SLCO1B1: variants seen among roughly 807,000 people sequenced by gnomAD.
SLCO1B1 encodes solute carrier organic anion transporter family member 1B1.
A neutral mutation model predicts 70.1 loss-of-function variants in SLCO1B1; 81 were observed. The ratio of observed to expected loss-of-function variants is 1.16; its 90% CI spans 0.97 to 1.39. SLCO1B1 has a LOEUF of 1.39. Ranked by LOEUF, SLCO1B1 falls within the 40% of genes most tolerant of loss-of-function variation. The pLI, the probability that SLCO1B1 is intolerant of heterozygous loss-of-function variation, is 0.00. For synonymous variants in SLCO1B1, 283 were observed against 271.5 expected (o/e 1.04, Z -0.42); for missense variants, 895 against 799.6 (o/e 1.12, Z -1.44).
intron 5 of SLCO1B1, among the ~76,000 whole-genome samples, chr12:21,177,969 T>C (rs755633708): frequency 2.6e-5 from 4 of 152,166 alleles, no homozygotes; most frequent in African/African-American, 4.8e-5. Context: ...ATAATGTATA[T>C]GTTTTGTGCA....
intron 7 of SLCO1B1, among the ~76,000 whole-genome samples, chr12:21,185,051 G>A (rs75922682): frequency 2.2e-4 from 33 of 151,968 alleles, no homozygotes; most frequent in Non-Finnish European, 2.9e-4. Context: ...TCCATTAAAC[G>A]AGAAGACTTA....
chr12:21,175,481 A>C (rs2121102724), intron 4 of SLCO1B1, among the ~76,000 whole-genome samples: 1 of 152,312 alleles, frequency 6.6e-6, no homozygotes. Context: ...TCCCGGTTAA[A>C]AATCCCAAGT....
intron 10 of SLCO1B1, among the ~76,000 whole-genome samples, chr12:21,204,298 A>G (rs1941189108): frequency 6.6e-6 from 1 of 151,910 alleles, no homozygotes. Context: ...TCCTGACAGT[A>G]TAGTGATATT....
At chr12:21,200,449 GATATAA>G in intron 8 of SLCO1B1, 53 bp from the exon 9 acceptor site, 1 of 1,131,126 alleles carries the variant, frequency 8.8e-7, no homozygotes, top group East Asian at 2.6e-5. Context: ...ACAAATTTTA[GATATAA>G]ATGTATATTT....
intron 14 of SLCO1B1, among the ~76,000 whole-genome samples, chr12:21,236,410 C>T (rs903031123): frequency 4.6e-5 from 7 of 152,110 alleles, no homozygotes; most frequent in Non-Finnish European, 7.4e-5. Context: ...TCAGGCAGGG[C>T]GGTGGCATAC....
intron 2 of SLCO1B1, among the ~76,000 whole-genome samples, chr12:21,166,292 G>C (rs1306003369): frequency 6.6e-6 from 1 of 152,064 alleles, no homozygotes; most frequent in Non-Finnish European, 1.5e-5. Flanking sequence ...TCAGAATCTT[G>C]ACAGCAACAA....
chr12:21,138,595 T>A (rs1452436679), intron 1 of SLCO1B1, among the ~76,000 whole-genome samples: 2 of 152,126 alleles, frequency 1.3e-5, no homozygotes, highest in Admixed American at 1.3e-4. Context: ...ATATTTTATC[T>A]GAAGATCTAG....
At chr12:21,218,454 G>C (rs1941385520) in intron 12 of SLCO1B1, among the ~76,000 whole-genome samples, 1 of 143,210 alleles carries the variant, frequency 7.0e-6, no homozygotes, top group African/African-American at 2.5e-5. Flanking sequence ...GCATGACATG[G>C]TAGAGATGAA....
chr12:21,141,493 A>G (rs750325186), intron 1 of SLCO1B1, 21 bp from the exon 2 acceptor site: 3 of 787,838 alleles, frequency 3.8e-6, no homozygotes, highest in African/African-American at 1.7e-5. Context: ...AAAATAAACT[A>G]TACTTTTTCT....
intron 2 of SLCO1B1, among the ~76,000 whole-genome samples, chr12:21,146,148 T>C (rs1272208668): frequency 6.6e-6 from 1 of 152,152 alleles, no homozygotes; most frequent in Admixed American, 6.6e-5. Context: ...CTTTTAATAT[T>C]GTCTATTTAT....
At chr12:21,211,713 C>G (rs1391977854) in intron 11 of SLCO1B1, among the ~76,000 whole-genome samples, 1 of 152,172 alleles carries the variant, frequency 6.6e-6, no homozygotes, top group Non-Finnish European at 1.5e-5. Context: ...GGTTGGTAAG[C>G]TACTGATTAT....
At chr12:21,147,203 G>C (rs1241990510) in intron 2 of SLCO1B1, among the ~76,000 whole-genome samples, 1 of 152,102 alleles carries the variant, frequency 6.6e-6, no homozygotes, top group African/African-American at 2.4e-5. Context: ...CCTTGCTTTA[G>C]AGTCTGCTGT....
intron 2 of SLCO1B1, among the ~76,000 whole-genome samples, chr12:21,150,536 T>A (rs1940457329): frequency 6.6e-6 from 1 of 152,132 alleles, no homozygotes; most frequent in African/African-American, 2.4e-5. Flanking sequence ...CCACTGCTGG[T>A]GATACCTAGG....
At chr12:21,144,036 C>G (rs1940349331) in intron 2 of SLCO1B1, among the ~76,000 whole-genome samples, 1 of 152,008 alleles carries the variant, frequency 6.6e-6, no homozygotes, top group South Asian at 2.1e-4. Flanking sequence ...TACCCCTTCT[C>G]CTCAATTTTT....
At chr12:21,175,341 G>C (rs1016061178) in intron 4 of SLCO1B1, among the ~76,000 whole-genome samples, 3 of 152,048 alleles carry the variant, frequency 2.0e-5, no homozygotes, top group African/African-American at 7.2e-5. Context: ...GTCCACACAG[G>C]CTGAGGCTTA....
At chr12:21,236,316 C>T (rs1297062950) in intron 14 of SLCO1B1, among the ~76,000 whole-genome samples, 1 of 152,120 alleles carries the variant, frequency 6.6e-6, no homozygotes, top group Admixed American at 6.5e-5. Context: ...GTCCACTGAC[C>T]CCTGTGCCTA....
At chr12:21,167,514 C>T (rs959907337) in intron 2 of SLCO1B1, among the ~76,000 whole-genome samples, 4 of 152,170 alleles carry the variant, frequency 2.6e-5, no homozygotes, top group Non-Finnish European at 4.4e-5. Flanking sequence ...GAGGTTAATT[C>T]TCTCAGCAGG....
At chr12:21,210,982 G>A (rs1438007302) in intron 11 of SLCO1B1, among the ~76,000 whole-genome samples, 1 of 152,028 alleles carries the variant, frequency 6.6e-6, no homozygotes, top group Non-Finnish European at 1.5e-5. Context: ...GGGTTTTCTA[G>A]ATATACAATC....
At chr12:21,183,649 T>C (rs778495384) in intron 7 of SLCO1B1, among the ~76,000 whole-genome samples, 6 of 152,004 alleles carry the variant, frequency 3.9e-5, no homozygotes, top group Non-Finnish European at 8.8e-5. Flanking sequence ...TCCTTCAAGA[T>C]GAAAAAGAAT....
Sources: allele counts gnomAD v4.1 joint callset (sites outside exome capture counted in the v4.1 genomes callset), GRCh38; gene constraint gnomAD v4.1.1; transcripts MANE v1.5; gene names NCBI Gene and HGNC (gene_info 2026-07-23, HGNC 2026-07-21).